CHL1: variants seen among roughly 807,000 people sequenced by gnomAD.
CHL1 encodes the protein neural cell adhesion molecule L1-like protein.
CHL1 carries 96 observed loss-of-function variants against 141.9 expected under a neutral mutation model. The observed-to-expected ratio is 0.68, with a 90% CI of 0.57 to 0.80. The LOEUF is 0.80. Ranked by LOEUF, CHL1 falls within the 30% of genes least tolerant of loss-of-function variation. The probability of loss-of-function intolerance (pLI) is 0.00; values close to 1 mark genes in which losing one functional copy is unlikely to be tolerated. For missense variants in CHL1, 1,820 were observed against 1,457.2 expected (o/e 1.25, Z -4.05); for synonymous variants, 613 against 502.2 (o/e 1.22, Z -2.95).
intron 15 of CHL1, among the ~76,000 whole-genome samples, chr3:377,134 G>T (rs1706428115): frequency 6.6e-6 from 1 of 152,082 alleles, no homozygotes. Context: ...CAATGGTACG[G>T]GGTAAAAGGT....
intron 2 of CHL1, among the ~76,000 whole-genome samples, chr3:286,524 C>T (rs1697162404): frequency 6.6e-6 from 1 of 150,624 alleles, no homozygotes; most frequent in Non-Finnish European, 1.5e-5. Flanking sequence ...GGCAGGAGAA[C>T]CACTTGAACT....
At chr3:275,817 G>A (rs1696042354) in intron 2 of CHL1, among the ~76,000 whole-genome samples, 1 of 151,994 alleles carries the variant, frequency 6.6e-6, no homozygotes, top group African/African-American at 2.4e-5. Flanking sequence ...CTAGTGCAAA[G>A]ATAAACTTAC....
At chr3:225,210 A>T (rs1413471605) in intron 1 of CHL1, among the ~76,000 whole-genome samples, 3 of 152,244 alleles carry the variant, frequency 2.0e-5, no homozygotes, top group Non-Finnish European at 2.9e-5. Context: ...TTCATTCAAC[A>T]TATAATTATT....
intron 15 of CHL1, among the ~76,000 whole-genome samples, chr3:372,937 C>T (rs985773298): frequency 2.0e-5 from 3 of 151,982 alleles, no homozygotes; most frequent in Non-Finnish European, 4.4e-5. Flanking sequence ...CTGGAGATGT[C>T]ACTCAAGGAG....
At chr3:325,240 T>C (rs1341093162) in intron 3 of CHL1, among the ~76,000 whole-genome samples, 1 of 151,964 alleles carries the variant, frequency 6.6e-6, no homozygotes, top group Non-Finnish European at 1.5e-5. Context: ...AACTATTTTA[T>C]TATTTTGAAA....
Position 328,198 on chromosome 3 carries a change from T to C in CHL1, c.229T>C (p.Tyr77His), listed in dbSNP as rs1575078712. The C allele has an allele frequency of 7.5e-6, 12 of 1,607,622 alleles. No individual in the cohort carries two copies. The African/African-American group carries it at 9.4e-5, about 13-fold the overall frequency. ...FSWTKDGNPF[Y>H]FTDHRIIPSN... Reference sequence around the variant, plus strand: ...GTGGACTAAGGATGGCAACCCTTTTTATTTCACTGACCATCGGATAATTCC... The same window carrying C: ...GTGGACTAAGGATGGCAACCCTTTTCATTTCACTGACCATCGGATAATTCC... The change falls in exon 5 of 28, where the codon TAT (tyrosine) becomes CAT (histidine). Residue 77 changes from tyrosine to histidine, a missense_variant. Physicochemically the swap from Tyr to His is moderately conservative, Grantham distance 83 (BLOSUM62 2). Coordinates refer to ENST00000256509, the MANE Select transcript of CHL1 (RefSeq NM_006614.4).
In CHL1 at chr3:365,983, C is replaced by A; in HGVS notation, c.1619C>A (p.Pro540His). The A allele has an allele frequency of 6.2e-7, 1 of 1,613,308 alleles. No homozygotes were observed. Among genetic ancestry groups the A allele is most frequent in the Non-Finnish European group, 8.5e-7 (1 of 1,179,520 alleles). ...AAACTTAGAGTTTCTCCTAAGAATC[C>A]TCGTATCCCCAAATTGCATATGCTT... ...ATKLRVSPKN[P>H]RIPKLHMLEL... The change falls in exon 15 of 28, where the codon CCT becomes CAT. Residue 540 changes from proline to histidine, a missense_variant. Coordinates refer to ENST00000256509, the MANE Select transcript of CHL1 (RefSeq NM_006614.4).
chr3:388,096 C>A (rs1221146756), intron 19 of CHL1, among the ~76,000 whole-genome samples: 2 of 152,146 alleles, frequency 1.3e-5, no homozygotes, highest in Admixed American at 1.3e-4. Context: ...GGATTAAAAT[C>A]GTATTTTAAA....
intron 8 of CHL1, among the ~76,000 whole-genome samples, chr3:344,058 G>C (rs752333141): frequency 3.9e-5 from 6 of 152,086 alleles, no homozygotes; most frequent in Non-Finnish European, 7.4e-5. Context: ...CTAAAACTGT[G>C]TTTTTCTTTA....
intron 1 of CHL1, among the ~76,000 whole-genome samples, chr3:221,776 TAA>T (rs1470979246): frequency 4.6e-5 from 7 of 152,222 alleles, no homozygotes; most frequent in African/African-American, 1.7e-4. Context: ...AATTTAGTAT[TAA>T]GTTAACAAGA....
intron 9 of CHL1, among the ~76,000 whole-genome samples, chr3:346,601 TA>T (rs1427283583): frequency 2.0e-5 from 3 of 152,202 alleles, no homozygotes; most frequent in Non-Finnish European, 4.4e-5. Context: ...AAGGAATATA[TA>T]AAAACAGAGT....
chr3:378,249 T>C (rs967930642), intron 16 of CHL1, among the ~76,000 whole-genome samples: 1 of 152,158 alleles, frequency 6.6e-6, no homozygotes, highest in Non-Finnish European at 1.5e-5. Flanking sequence ...AGCTACTCTT[T>C]CCTGGTGTAC....
At chr3:302,493 C>G (rs911813061) in intron 2 of CHL1, among the ~76,000 whole-genome samples, 1 of 152,182 alleles carries the variant, frequency 6.6e-6, no homozygotes, top group African/African-American at 2.4e-5. Flanking sequence ...TCTCTAATGA[C>G]CAGTGATGAT....
In CHL1 at chr3:381,945, A is replaced by G. The variant is rs61402653; in HGVS notation, c.1877-234A>G. On this transcript the variant is annotated intron_variant, in intron 16 of 27. Coordinates refer to ENST00000256509, the MANE Select transcript of CHL1 (RefSeq NM_006614.4). ...TCCTTGGCTATTGTTTAAAGCTACT[A>G]TTACCTCCGTTCTTATCAAGTTGTT... is the stretch of plus-strand genomic sequence containing the variant. Among the ~76,000 whole-genome samples the G allele has an allele frequency of 1.7e-3, 252 of 150,400 alleles. 1 individual carries two copies. Among genetic ancestry groups the G allele is most frequent in the African/African-American group, 5.7e-3 (235 of 40,928 alleles).
intron 9 of CHL1, among the ~76,000 whole-genome samples, chr3:348,211 G>T (rs1239929937): frequency 6.6e-6 from 1 of 152,066 alleles, no homozygotes; most frequent in Non-Finnish European, 1.5e-5. Context: ...ATAAGTTGGG[G>T]TATATCATTT....
chr3:301,891 C>A (rs1698771269), intron 2 of CHL1, among the ~76,000 whole-genome samples: 1 of 152,192 alleles, frequency 6.6e-6, no homozygotes, highest in Non-Finnish European at 1.5e-5. Context: ...CTAATGGTAT[C>A]CCTCCCCAGC....
chr3:367,816 G>C (rs934199377), intron 15 of CHL1, among the ~76,000 whole-genome samples: 1 of 151,928 alleles, frequency 6.6e-6, no homozygotes, highest in Non-Finnish European at 1.5e-5. Flanking sequence ...AAAGTCCCTG[G>C]TATGTGTGAT....
In CHL1 at chr3:405,500, G is replaced by A; in HGVS notation, c.3464G>A (p.Ser1155Asn). Residue 1155 changes from serine (S) to asparagine (N), a missense_variant, in exon 28 of 28, where the codon AGT becomes AAT. Ser to Asn is a conservative substitution (Grantham distance 46). Coordinates refer to ENST00000256509, the MANE Select transcript of CHL1 (RefSeq NM_006614.4). ...KDETFGEYSD[S>N]DEKPLKGSLR... ...TTTGTTTGTTTGTTTTCTAGTGACA[G>A]TGATGAAAAGCCTCTCAAAGGAAGC... 1.9e-6 allele frequency: 3 copies of A among 1,608,762 alleles called. No homozygotes were observed. Among genetic ancestry groups the A allele is most frequent in the Non-Finnish European group, 2.6e-6 (3 of 1,175,762 alleles).
At chr3:283,435 T>G (rs1696837915) in intron 2 of CHL1, among the ~76,000 whole-genome samples, 1 of 152,202 alleles carries the variant, frequency 6.6e-6, no homozygotes, top group African/African-American at 2.4e-5. Context: ...ATCTTTCTAT[T>G]TATGTACACA....
Sources: gnomAD v4.1 joint callset for allele counts (sites outside exome capture counted in the v4.1 genomes callset) on GRCh38, gnomAD v4.1.1 for gene constraint, MANE v1.5 for transcripts, NCBI Gene and HGNC (gene_info 2026-07-23, HGNC 2026-07-21) for gene names.